Variants in GALNT10 observed in about 807,000 individuals in gnomAD.
GALNT10 encodes polypeptide N-acetylgalactosaminyltransferase 10.
In GALNT10, 41 loss-of-function variants were observed where a neutral mutation model predicts 75.0. That is an observed-to-expected ratio of 0.55 (90% CI 0.43 to 0.71). The LOEUF (loss-of-function observed/expected upper bound fraction) is 0.71, where lower values mean the gene tolerates loss of function less well. GALNT10 is among the 30% of genes least tolerant of loss of function. GALNT10 has a pLI of 0.00. For synonymous variants in GALNT10, 302 were observed against 313.0 expected (o/e 0.96, Z 0.37); for missense variants, 727 against 818.5 (o/e 0.89, Z 1.36).
intron 7 of GALNT10, among the ~76,000 whole-genome samples, chr5:154,399,982 A>G (rs901247912): frequency 6.6e-6 from 1 of 151,752 alleles, no homozygotes; most frequent in Non-Finnish European, 1.5e-5. Flanking sequence ...CATGTCTACA[A>G]AAAAAAATAG....
intron 3 of GALNT10, among the ~76,000 whole-genome samples, chr5:154,310,861 AAC>A (rs1253172002): frequency 6.6e-6 from 1 of 152,188 alleles, no homozygotes; most frequent in East Asian, 1.9e-4. Context: ...CTTCCACGAT[AAC>A]AGTTATTGAT....
chr5:154,378,340 T>TCATCAA (rs1755687854), intron 5 of GALNT10, among the ~76,000 whole-genome samples: 1 of 152,072 alleles, frequency 6.6e-6, no homozygotes. Context: ...ATCATCATCA[T>TCATCAA]CATTATCACG....
At chr5:154,213,881 C>G (rs1013113816) in intron 1 of GALNT10, among the ~76,000 whole-genome samples, 3 of 152,216 alleles carry the variant, frequency 2.0e-5, no homozygotes, top group Admixed American at 6.5e-5. Flanking sequence ...TGTGCACAGC[C>G]TGTATTGTGT....
chr5:154,374,262 T>G (rs1361892665), intron 4 of GALNT10, among the ~76,000 whole-genome samples: 1 of 152,194 alleles, frequency 6.6e-6, no homozygotes, highest in African/African-American at 2.4e-5. Context: ...TATTAATCTT[T>G]GTGCACAAGC....
At chr5:154,279,820 A>G (rs1186849594) in intron 1 of GALNT10, among the ~76,000 whole-genome samples, 1 of 152,098 alleles carries the variant, frequency 6.6e-6, no homozygotes, top group Non-Finnish European at 1.5e-5. Context: ...TTCTTTATGC[A>G]TTCTGAATAT....
chr5:154,394,632 G>A (rs1582009350), intron 7 of GALNT10, among the ~76,000 whole-genome samples: 1 of 152,324 alleles, frequency 6.6e-6, no homozygotes, highest in East Asian at 1.9e-4. Flanking sequence ...AGGGCCCAGA[G>A]GTCAGGACCA....
intron 7 of GALNT10, chr5:154,387,345 C>A (rs1479658109): frequency 6.6e-6 from 1 of 152,240 alleles, no homozygotes; most frequent in Non-Finnish European, 1.5e-5. Context: ...TTGTCCCATG[C>A]CCTTGTGGCC....
At chr5:154,250,734 C>A (rs1433713876) in intron 1 of GALNT10, among the ~76,000 whole-genome samples, 1 of 152,166 alleles carries the variant, frequency 6.6e-6, no homozygotes, top group Non-Finnish European at 1.5e-5. Flanking sequence ...TTTACCCATT[C>A]TCTGCTGCTT....
At chr5:154,200,326 C>T (rs906818118) in intron 1 of GALNT10, among the ~76,000 whole-genome samples, 2 of 150,818 alleles carry the variant, frequency 1.3e-5, no homozygotes, top group African/African-American at 2.4e-5. Flanking sequence ...TGTAGGTCTC[C>T]CTTGTGAGTT....
At chr5:154,357,334 G>A (rs1178730494) in intron 4 of GALNT10, among the ~76,000 whole-genome samples, 1 of 152,112 alleles carries the variant, frequency 6.6e-6, no homozygotes, top group Non-Finnish European at 1.5e-5. Flanking sequence ...CTAACTATAG[G>A]TATGTATGTG....
chr5:154,211,488 A>G (rs1775197450), intron 1 of GALNT10, among the ~76,000 whole-genome samples: 1 of 152,248 alleles, frequency 6.6e-6, no homozygotes, highest in African/African-American at 2.4e-5. Context: ...TTCTGCTGTG[A>G]AACTGTGACT....
intron 1 of GALNT10, among the ~76,000 whole-genome samples, chr5:154,273,632 T>C (rs952125384): frequency 6.6e-6 from 1 of 152,150 alleles, no homozygotes; most frequent in Non-Finnish European, 1.5e-5. Context: ...TTGTTAATAG[T>C]GGTTATCTCT....
intron 2 of GALNT10, 132 bp downstream of exon 2, chr5:154,295,050 G>T: frequency 4.1e-6 from 2 of 485,034 alleles, no homozygotes; most frequent in Admixed American, 3.7e-5. Flanking sequence ...CCTCCTGTTG[G>T]CTCCCTCCCT....
intron 3 of GALNT10, among the ~76,000 whole-genome samples, chr5:154,315,933 A>G (rs978418919): frequency 6.6e-6 from 1 of 152,252 alleles, no homozygotes; most frequent in Non-Finnish European, 1.5e-5. Context: ...TTTATAAAGG[A>G]AGAAACTAAG....
chr5:154,364,867 T>C (rs1039104717), intron 4 of GALNT10, among the ~76,000 whole-genome samples: 3 of 152,152 alleles, frequency 2.0e-5, no homozygotes, highest in Non-Finnish European at 4.4e-5. Context: ...AAAAGTGAAG[T>C]GGGCTGAGTC....
At chr5:154,306,727 AAAC>A (rs144641314) in intron 3 of GALNT10, among the ~76,000 whole-genome samples, 13 of 152,094 alleles carry the variant, frequency 8.5e-5, no homozygotes, top group Admixed American at 2.0e-4. Context: ...GCTGGTCAAA[AAAC>A]AACAACAACA....
intron 7 of GALNT10, 29 bp downstream of exon 7, chr5:154,386,459 T>G: frequency 7.2e-7 from 1 of 1,379,384 alleles, no homozygotes; most frequent in Non-Finnish European, 1.0e-6. Context: ...CGCCCCGTTC[T>G]TGGCACAGCC....
At position 154,420,598 on chromosome 5, in the gene GALNT10, G is replaced by T. The variant is rs142581287; in HGVS notation, c.*3626G>T. The T allele has an allele frequency of 6.6e-6, 1 of 152,146 alleles. No homozygotes were observed. Among genetic ancestry groups the T allele is most frequent in the East Asian group, 1.9e-4 (1 of 5,202 alleles). 9.4% of individuals were successfully genotyped at this position (152,146 alleles called of 1,614,324 possible). ...TCTGGAATTCCTTATTGCTTTCAAC[G>T]GACACTCTTTGTGAAAAATCCAAGT... On this transcript the variant is annotated 3_prime_UTR_variant, in exon 12 of 12. Transcript: ENST00000297107.
At chr5:154,257,423 C>T (rs10074592) in intron 1 of GALNT10, among the ~76,000 whole-genome samples, 99,142 of 152,068 alleles carry the variant, frequency 0.65, 32,707 homozygotes, top group East Asian at 0.86. Context: ...CTGTGTTTTC[C>T]ATTTTTAAAC....
Sources: gnomAD v4.1 joint callset for allele counts (sites outside exome capture counted in the v4.1 genomes callset) on GRCh38, gnomAD v4.1.1 for gene constraint, MANE v1.5 for transcripts, NCBI Gene and HGNC (gene_info 2026-07-23, HGNC 2026-07-21) for gene names.